The following MTMR7 variants were observed in gnomAD, a reference collection of about 807,000 sequenced individuals.
MTMR7 encodes phosphatidylinositol-3-phosphate phosphatase MTMR7.
A neutral mutation model predicts 81.2 loss-of-function variants in MTMR7; 76 were observed. That is an observed-to-expected ratio of 0.94 (90% CI 0.78 to 1.13). MTMR7 has a LOEUF of 1.13. Ranked by LOEUF, MTMR7 falls within the 50% of genes most tolerant of loss-of-function variation. The pLI, the probability that MTMR7 is intolerant of heterozygous loss-of-function variation, is 0.00. For missense variants in MTMR7, 1,044 were observed against 820.0 expected, an observed-to-expected ratio of 1.27 and a Z score of -3.34; for synonymous variants, 372 against 289.8, an observed-to-expected ratio of 1.28 and a Z score of -2.88.
At chr8:17,398,423 G>A (rs778027033) in intron 1 of MTMR7, among the ~76,000 whole-genome samples, 3 of 152,256 alleles carry the variant, frequency 2.0e-5, no homozygotes, top group East Asian at 1.9e-4. Flanking sequence ...GAATGCATCA[G>A]AATCTCTTAA....
Position 17,306,029 on chromosome 8 carries a change from C to T in MTMR7, c.1152-72G>A, listed in dbSNP as rs979369963. The T allele has an allele frequency of 8.4e-6, 11 of 1,306,344 alleles. No homozygotes were observed. In the Admixed American group the frequency reaches 1.1e-4, roughly 13 times the overall value. 80.9% of individuals were successfully genotyped at this position (1,306,344 alleles called of 1,614,324 possible). ...AAGTACAAAGCCATAAATGCAAAAACAACCATAAAAGCAACCCTAGTTCCT... is the reference window on the plus strand; with the variant it reads ...AAGTACAAAGCCATAAATGCAAAAATAACCATAAAAGCAACCCTAGTTCCT... On this transcript the variant is annotated intron_variant, in intron 10 of 13. Transcript: ENST00000180173.
At chr8:17,338,744 A>C (rs1172943192) in intron 6 of MTMR7, 1 of 147,804 alleles carries the variant, frequency 6.8e-6, no homozygotes, top group Non-Finnish European at 1.5e-5. Flanking sequence ...TTTTTTTTTC[A>C]GTTTGAAACT....
chr8:17,367,326 T>C (rs777467400), intron 3 of MTMR7, among the ~76,000 whole-genome samples: 85 of 152,126 alleles, frequency 5.6e-4, no homozygotes, highest in Non-Finnish European at 1.1e-3. Flanking sequence ...GGGAAGATAA[T>C]TGATACAAAA....
At chr8:17,399,985 T>C (rs192820697) in intron 1 of MTMR7, among the ~76,000 whole-genome samples, 19 of 152,308 alleles carry the variant, frequency 1.2e-4, no homozygotes, top group East Asian at 9.6e-4. Flanking sequence ...CATTTCTATA[T>C]ACATTTTAAA....
At chr8:17,412,732 C>T (rs780366014) in intron 1 of MTMR7, among the ~76,000 whole-genome samples, 2 of 152,176 alleles carry the variant, frequency 1.3e-5, no homozygotes. Flanking sequence ...TATTGATTAT[C>T]CGTTCTGTGT....
chr8:17,336,723 C>T (rs1445726847), intron 6 of MTMR7, among the ~76,000 whole-genome samples: 3 of 152,318 alleles, frequency 2.0e-5, no homozygotes, highest in Middle Eastern at 3.4e-3. Context: ...GCCTCGCCCT[C>T]GGCCCTTCTC....
intron 1 of MTMR7, among the ~76,000 whole-genome samples, chr8:17,390,381 C>T (rs1423501582): frequency 6.6e-6 from 1 of 152,030 alleles, no homozygotes; most frequent in African/African-American, 2.4e-5. Context: ...AGAGCAGCAC[C>T]AAGGCGATGG....
chr8:17,343,668 G>A (rs1175674320), intron 5 of MTMR7, among the ~76,000 whole-genome samples: 1 of 152,184 alleles, frequency 6.6e-6, no homozygotes, highest in East Asian at 1.9e-4. Context: ...TACTGGAACT[G>A]TTATATACTG....
intron 3 of MTMR7, among the ~76,000 whole-genome samples, chr8:17,364,832 T>C (rs192777341): frequency 6.6e-6 from 1 of 152,268 alleles, no homozygotes; most frequent in African/African-American, 2.4e-5. Flanking sequence ...GATACTTAAG[T>C]TGATTCCACA....
At chr8:17,370,529 C>T (rs1157576785) in intron 3 of MTMR7, among the ~76,000 whole-genome samples, 2 of 127,914 alleles carry the variant, frequency 1.6e-5, no homozygotes, top group Non-Finnish European at 3.1e-5. Context: ...CACTTCCAGC[C>T]TGGGCGACGG....
rs758452565 is a variant in MTMR7 at position 17,348,971 on chromosome 8, G to A, written c.579C>T (p.Tyr193=). 3.7e-6 allele frequency: 6 copies of A among 1,613,520 alleles called. No homozygotes were observed. In the African/African-American group the frequency reaches 6.7e-5, roughly 18 times the overall value. Residue 193 remains tyrosine, a synonymous_variant, in exon 5 of 14, where the codon TAC becomes TAT. Coordinates refer to ENST00000180173, the MANE Select transcript of MTMR7 (RefSeq NM_004686.5). ...RSRRRFPVLS[Y]YYKDNHASIC... Reference sequence around the variant, plus strand: ...GACTTACGTGGTTATCTTTATAATAGTAAGAAAGGACAGGAAATCGCCGTC... The same window carrying A: ...GACTTACGTGGTTATCTTTATAATAATAAGAAAGGACAGGAAATCGCCGTC...
At chr8:17,337,811 G>T (rs1190125744) in intron 6 of MTMR7, among the ~76,000 whole-genome samples, 2 of 152,084 alleles carry the variant, frequency 1.3e-5, no homozygotes, top group African/African-American at 4.8e-5. Context: ...AGAGATGGGG[G>T]TCTCACTACG....
intron 9 of MTMR7, among the ~76,000 whole-genome samples, chr8:17,310,719 G>A (rs961076073): frequency 6.6e-6 from 1 of 152,172 alleles, no homozygotes; most frequent in Non-Finnish European, 1.5e-5. Flanking sequence ...TCTTGTCCGA[G>A]GGTGTTGCTG....
chr8:17,310,244 T>C (rs555590311), intron 9 of MTMR7, among the ~76,000 whole-genome samples: 1 of 151,948 alleles, frequency 6.6e-6, no homozygotes, highest in East Asian at 1.9e-4. Flanking sequence ...CCAGCAAGCC[T>C]CCCTCCTTAA....
intron 3 of MTMR7, among the ~76,000 whole-genome samples, chr8:17,365,265 TG>T (rs1418467904): frequency 1.3e-5 from 2 of 152,232 alleles, no homozygotes; most frequent in Non-Finnish European, 2.9e-5. Context: ...TCAGAGTACT[TG>T]TTTTTTTTCC....
In MTMR7 at chr8:17,348,837, T is replaced by C. The variant is rs1266294743; in HGVS notation, c.597+116A>G. The stretch of plus-strand genomic sequence containing the variant: ...CATACCATGCACAGGAATATCCACA[T>C]ACCTTCTGAAGAATTCAAACACACA... On this transcript the variant is annotated intron_variant, in intron 5 of 13. Coordinates refer to ENST00000180173, the MANE Select transcript of MTMR7 (RefSeq NM_004686.5). 2.4e-6 allele frequency: 3 copies of C among 1,267,426 alleles called. No individual in the cohort carries two copies. In the Admixed American group the frequency reaches 5.4e-5, roughly 23 times the overall value. The allele number at this position is 1,267,426 out of a possible 1,614,324, so 78.5% of individuals were successfully genotyped here. A position where few individuals can be genotyped will look rare whatever the true frequency, so the allele number is the denominator to read the frequency against.
At chr8:17,345,604 G>T (rs1819531862) in intron 5 of MTMR7, among the ~76,000 whole-genome samples, 1 of 152,240 alleles carries the variant, frequency 6.6e-6, no homozygotes, top group Admixed American at 6.5e-5. Flanking sequence ...CACCACAGGG[G>T]TGAAAGAATG....
chr8:17,310,415 T>C (rs1336366274), intron 9 of MTMR7, among the ~76,000 whole-genome samples: 1 of 152,216 alleles, frequency 6.6e-6, no homozygotes, highest in East Asian at 1.9e-4. Context: ...TGGAAGTCTG[T>C]TCTTGACAAC....
chr8:17,366,862 G>A (rs1820240253), intron 3 of MTMR7, among the ~76,000 whole-genome samples: 1 of 122,998 alleles, frequency 8.1e-6, no homozygotes, highest in South Asian at 2.2e-4. Context: ...CTCCAGCCTG[G>A]ATGACAGAGC....
Sources: allele counts gnomAD v4.1 joint callset (sites outside exome capture counted in the v4.1 genomes callset), GRCh38; gene constraint gnomAD v4.1.1; transcripts MANE v1.5; gene names NCBI Gene and HGNC (gene_info 2026-07-23, HGNC 2026-07-21).